Variants in CST7 observed in about 807,000 individuals in gnomAD.
CST7 encodes cystatin-F.
In CST7, 15 loss-of-function variants were observed where a neutral mutation model predicts 13.1. That is an observed-to-expected ratio of 1.14 (90% CI 0.77 to 1.76). CST7 has a LOEUF of 1.76. Ranked by LOEUF, CST7 falls within the 40% of genes most tolerant of loss-of-function variation. CST7 has a pLI of 0.00. For missense variants in CST7, 193 were observed against 178.8 expected, an observed-to-expected ratio of 1.08 and a Z score of -0.45; for synonymous variants, 75 against 66.9, an observed-to-expected ratio of 1.12 and a Z score of -0.59.
At chr20:24,955,575 G>A (rs1299512186) in intron 1 of CST7, among the ~76,000 whole-genome samples, 3 of 150,812 alleles carry the variant, frequency 2.0e-5, no homozygotes, top group Admixed American at 6.6e-5. Flanking sequence ...TCATCCTCCC[G>A]AGTACCTGGG....
chr20:24,959,906 A>T lies in CST7; in HGVS notation c.*194A>T, dbSNP rs2087885293. ...TAGCACCTCCTAACAGATTAAATAG[A>T]TCACATTTGCTTCTAAAATTAACTC... On this transcript the variant is annotated 3_prime_UTR_variant, in exon 4 of 4. Transcript: ENST00000480798. The T allele has an allele frequency of 3.4e-6, 2 of 579,836 alleles. No individual in the cohort carries two copies. Among genetic ancestry groups the T allele is most frequent in the Non-Finnish European group, 6.2e-6 (2 of 320,518 alleles). 35.9% of individuals were successfully genotyped at this position (579,836 alleles called of 1,614,324 possible).
At position 24,959,905 on chromosome 20, in the gene CST7, G is replaced by A; in HGVS notation, c.*193G>A. ...GTAGCACCTCCTAACAGATTAAATA[G>A]ATCACATTTGCTTCTAAAATTAACT... On this transcript the variant is annotated 3_prime_UTR_variant, in exon 4 of 4. Coordinates refer to ENST00000480798, the MANE Select transcript of CST7 (RefSeq NM_003650.4). 1 of 581,168 alleles carries A rather than the reference G, an allele frequency of 1.7e-6. No individual in the cohort carries two copies. Among genetic ancestry groups the A allele is most frequent in the Non-Finnish European group, 3.1e-6 (1 of 321,258 alleles). The allele number at this position is 581,168 out of a possible 1,614,324, so 36.0% of individuals were successfully genotyped here.
chr20:24,957,272 CTT>C lies in CST7; in HGVS notation c.71-13_71-12del, dbSNP rs1285358801. 8 of 1,609,706 alleles carry C rather than the reference CTT, an allele frequency of 5.0e-6. No individual in the cohort carries two copies. Among genetic ancestry groups the C allele is most frequent in the Non-Finnish European group, 6.8e-6 (8 of 1,178,004 alleles). On this transcript the variant is annotated splice_polypyrimidine_tract_variant and intron_variant, in intron 1 of 3. Coordinates refer to ENST00000480798, the MANE Select transcript of CST7 (RefSeq NM_003650.4). ...CTAACATCAGTGTTCTTGTCTGGCT[CTT>C]TGTCTCTTTCAGATACTTGTTCCCA...
At chr20:24,950,234 T>G (rs896910988) in intron 1 of CST7, among the ~76,000 whole-genome samples, 1 of 152,140 alleles carries the variant, frequency 6.6e-6, no homozygotes, top group Non-Finnish European at 1.5e-5. Flanking sequence ...GATGGGGACT[T>G]GGGAGGCCCC....
chr20:24,957,848 C>T (rs773026778), intron 2 of CST7, among the ~76,000 whole-genome samples: 3 of 152,160 alleles, frequency 2.0e-5, no homozygotes, highest in Non-Finnish European at 4.4e-5. Context: ...TCACCCCTCA[C>T]GTGCCCTGCA....
chr20:24,951,421 GC>G (rs1057233105), intron 1 of CST7, among the ~76,000 whole-genome samples: 4 of 152,178 alleles, frequency 2.6e-5, no homozygotes, highest in South Asian at 2.1e-4. Flanking sequence ...CCAGCACCCT[GC>G]CCAGGCGCTG....
intron 1 of CST7, among the ~76,000 whole-genome samples, chr20:24,957,016 G>GAGTACA (rs1236873788): frequency 1.4e-3 from 6 of 4,250 alleles, no homozygotes; most frequent in Non-Finnish European, 2.2e-3. Flanking sequence ...CAGGTGAGGG[G>GAGTACA]GGCAGGTGAG....
At chr20:24,952,076 G>A (rs145327255) in intron 1 of CST7, among the ~76,000 whole-genome samples, 70 of 152,370 alleles carry the variant, frequency 4.6e-4, no homozygotes, top group African/African-American at 1.6e-3. Flanking sequence ...CTGAGCCACC[G>A]TCTACGTGGC....
intron 1 of CST7, among the ~76,000 whole-genome samples, 181 bp downstream of exon 1, chr20:24,949,756 G>C (rs1011174035): frequency 2.6e-5 from 4 of 152,178 alleles, no homozygotes; most frequent in Admixed American, 6.5e-5. Flanking sequence ...GCTACCTTTG[G>C]GGGTAGCAGG....
rs757978177 is a variant in CST7, at chr20:24,957,460, G to T, written c.243+1G>T. ...CCGCATCACAAGGGCCCTAGTTCAG[G>T]TAACGGTCTGGGTTCTGGTCACATA... is the stretch of plus-strand genomic sequence containing the variant. On this transcript the variant is annotated splice_donor_variant, in intron 2 of 3. Transcript: ENST00000480798. LOFTEE classifies it high-confidence loss of function. 2 of 1,613,110 alleles carry T rather than the reference G, an allele frequency of 1.2e-6. No individual in the cohort carries two copies. The highest frequency in any genetic ancestry group is 2.2e-5 in the East Asian group (1 of 44,884).
At chr20:24,952,162 GATA>G (rs1280860458) in intron 1 of CST7, among the ~76,000 whole-genome samples, 5 of 152,332 alleles carry the variant, frequency 3.3e-5, no homozygotes, top group East Asian at 3.9e-4. Context: ...TTGATATATT[GATA>G]ATGATTACAG....
Position 24,959,806 on chromosome 20 carries a change from C to A in CST7, c.*94C>A. 3.2e-6 allele frequency: 4 copies of A among 1,244,140 alleles called. No individual in the cohort carries two copies. The highest frequency in any genetic ancestry group is 1.5e-5 in the African/African-American group (1 of 68,018). The allele number at this position is 1,244,140 out of a possible 1,614,324, so 77.1% of individuals were successfully genotyped here. ...CCGCCTCATGACCCAGCCTCACAGA[C>A]CCTCTCAGGCCTCTGACGAGTGAGC... On this transcript the variant is annotated 3_prime_UTR_variant, in exon 4 of 4. Coordinates refer to ENST00000480798, the MANE Select transcript of CST7 (RefSeq NM_003650.4).
intron 1 of CST7, among the ~76,000 whole-genome samples, chr20:24,956,620 G>A (rs964900329): frequency 2.0e-5 from 3 of 152,120 alleles, no homozygotes; most frequent in Non-Finnish European, 2.9e-5. Flanking sequence ...ACTGTCCCTG[G>A]AAAGTCAGGA....
intron 3 of CST7, 66 bp downstream of exon 3, chr20:24,959,110 T>C: frequency 7.8e-7 from 1 of 1,276,706 alleles, no homozygotes; most frequent in Non-Finnish European, 1.1e-6. Context: ...CCCAGGACTG[T>C]GAAAAACACC....
At chr20:24,953,351 G>A (rs926875776) in intron 1 of CST7, among the ~76,000 whole-genome samples, 4 of 152,176 alleles carry the variant, frequency 2.6e-5, no homozygotes, top group Non-Finnish European at 5.9e-5. Context: ...GCAGCGTGAT[G>A]TCACAGCACA....
chr20:24,959,017 C>T lies in CST7; in HGVS notation c.333C>T (p.Asp111=). The T allele has an allele frequency of 6.2e-7, 1 of 1,613,946 alleles. No individual in the cohort carries two copies. The highest frequency in any genetic ancestry group is 8.5e-7 in the Non-Finnish European group (1 of 1,179,822). ...KNQHLRLDDC[D]FQTNHTLKQT... ...AGCACCTGCGTCTGGATGACTGTGA[C>T]TTCCAAACCAACCACACCTTGAAGC... Residue 111 remains aspartate (D), a synonymous_variant, in exon 3 of 4, where the codon GAC becomes GAT. Transcript: ENST00000480798.
In CST7 at chr20:24,959,048, A is replaced by G. The variant is rs530407849; in HGVS notation, c.360+4A>G. On this transcript the variant is annotated splice_donor_region_variant and intron_variant, in intron 3 of 3. Transcript: ENST00000480798. ...AACCAACCACACCTTGAAGCAGGTA[A>G]AGCAGCAGGCCCTTCTCTCAGATGT... is the stretch of plus-strand genomic sequence containing the variant. 6.2e-7 allele frequency: 1 copy of G among 1,607,092 alleles called. No homozygotes were observed. Among genetic ancestry groups the G allele is most frequent in the African/African-American group, 1.3e-5 (1 of 74,872 alleles).
At chr20:24,957,701 G>A (rs2087868411) in intron 2 of CST7, among the ~76,000 whole-genome samples, 1 of 152,144 alleles carries the variant, frequency 6.6e-6, no homozygotes, top group Non-Finnish European at 1.5e-5. Flanking sequence ...CAGGCCCCTG[G>A]CCCAGAGCCT....
At position 24,957,455 on chromosome 20, in the gene CST7, TTCAGG is replaced by T. The variant is rs776123670; in HGVS notation, c.241_243+2del. 3.7e-6 allele frequency: 6 copies of T among 1,613,350 alleles called. No individual in the cohort carries two copies. In the Admixed American group the frequency reaches 1.0e-4, roughly 27 times the overall value. ...GAGTCCCGCATCACAAGGGCCCTAG[TTCAGG>T]TAACGGTCTGGGTTCTGGTCACATA... On this transcript the variant is annotated splice_donor_variant and coding_sequence_variant, in exon 2 of 4. Transcript: ENST00000480798. LOFTEE classifies it high-confidence loss of function.
Sources: allele counts gnomAD v4.1 joint callset (sites outside exome capture counted in the v4.1 genomes callset), GRCh38; gene constraint gnomAD v4.1.1; transcripts MANE v1.5; gene names NCBI Gene and HGNC (gene_info 2026-07-23, HGNC 2026-07-21).